TAF11L11: variants seen among roughly 807,000 people sequenced by gnomAD.
TAF11L11 encodes TATA-box-binding protein-associated factor 11-like protein 11.
chr5:17,604,943 A>G (rs1030241284), exon 1 of TAF11L11: 2 of 392,392 alleles, frequency 5.1e-6, no homozygotes, highest in African/African-American at 4.2e-5. Flanking sequence ...CATGGACCTC[A>G]CAGAAGGTGA....
At chr5:17,605,448 G>A (rs531803940), downstream of TAF11L11, 19 of 390,140 alleles carry the variant, frequency 4.9e-5, 1 homozygote, top group African/African-American at 3.5e-4. Context: ...TGACAGGACT[G>A]CATTTGCTGG....
At chr5:17,605,491 C>T, downstream of TAF11L11, 1 of 386,530 alleles carries the variant, frequency 2.6e-6, no homozygotes, top group Non-Finnish European at 4.6e-6. Context: ...CTGGATTTAC[C>T]CACGATCTTA....
chr5:17,604,251 G>A (rs1237349432), exon 1 of TAF11L11: 1 of 151,618 alleles, frequency 6.6e-6, no homozygotes, highest in African/African-American at 2.4e-5. Context: ...CCCAGACCTG[G>A]GCAACACTTG....
rs1189041846 is a variant in TAF11L11 at position 17,605,228 on chromosome 5, G to T, written c.448G>T (p.Val150Leu). 1.0e-5 allele frequency: 4 copies of T among 395,512 alleles called. 1 individual carries two copies. In the East Asian group the frequency reaches 1.1e-4, roughly 11 times the overall value. The allele number at this position is 395,512 out of a possible 1,614,324, so 24.5% of individuals were successfully genotyped here. A position where few individuals can be genotyped will look rare whatever the true frequency, so the allele number is the denominator to read the frequency against. ...CATGGCTGGAATAGCCAAGGTCTTT[G>T]TGGGAGAGGTGGTGGAAGAGGCCCT... The change falls in exon 1 of 1, where the codon GTG becomes TTG. Residue 150 changes from valine to leucine, a missense_variant. Physicochemically the swap from Val to Leu is conservative, Grantham distance 32 (BLOSUM62 1). Coordinates refer to ENST00000510838, the Ensembl canonical transcript of TAF11L11.
downstream of TAF11L11, chr5:17,605,429 A>T (rs1579616208): frequency 7.7e-6 from 3 of 391,666 alleles, no homozygotes; most frequent in Non-Finnish European, 1.4e-5. Context: ...TATCGCATTC[A>T]TCTTCCAATG....
exon 1 of TAF11L11, chr5:17,604,833 G>C (rs201755261): frequency 2.6e-6 from 1 of 389,148 alleles, no homozygotes; most frequent in East Asian, 3.6e-5. Flanking sequence ...CCCATGCCCC[G>C]AGGTCTGAAG....
At chr5:17,604,612 G>T (rs761744586) in exon 1 of TAF11L11, 13 of 317,150 alleles carry the variant, frequency 4.1e-5, no homozygotes, top group Non-Finnish European at 7.4e-5. Context: ...GTGTTTGTGT[G>T]TGGGAAGGGG....
Position 17,605,243 on chromosome 5 carries a change from G to C in TAF11L11, c.463G>C (p.Glu155Gln), listed in dbSNP as rs999075305. ...CAAGGTCTTTGTGGGAGAGGTGGTG[G>C]AAGAGGCCCTGGACGTGTGCGAAAT... is the stretch of plus-strand genomic sequence containing the variant. Residue 155 changes from glutamate to glutamine, a missense_variant, in exon 1 of 1, where the codon GAA becomes CAA. Coordinates refer to ENST00000510838, the Ensembl canonical transcript of TAF11L11. The C allele has an allele frequency of 7.6e-6, 3 of 395,400 alleles. No homozygotes were observed. The Admixed American group carries it at 1.3e-4, about 18-fold the overall frequency. 24.5% of individuals were successfully genotyped at this position (395,400 alleles called of 1,614,324 possible). A position where few individuals can be genotyped will look rare whatever the true frequency, so the allele number is the denominator to read the frequency against.
At chr5:17,604,862 A>G in exon 1 of TAF11L11, 1 of 390,436 alleles carries the variant, frequency 2.6e-6, no homozygotes, top group Non-Finnish European at 4.5e-6. Context: ...CAAGGATGGA[A>G]TCCCTGAGGA....
At chr5:17,604,720 C>T in exon 1 of TAF11L11, 1 of 373,638 alleles carries the variant, frequency 2.7e-6, no homozygotes. Context: ...ATAATCGAAC[C>T]ACCCCAGCCA....
chr5:17,605,881 C>A (rs1342556056), downstream of TAF11L11, among the ~76,000 whole-genome samples: 1 of 151,388 alleles, frequency 6.6e-6, no homozygotes, highest in African/African-American at 2.4e-5. Context: ...GTTTTCCAAA[C>A]TGCAGAAATA....
In TAF11L11 at chr5:17,604,599, T is replaced by G. The variant is rs751434397; in HGVS notation, c.-182T>G. The G allele has an allele frequency of 8.2e-4, 250 of 306,370 alleles. 10 individuals are homozygous for G. Among genetic ancestry groups the G allele is most frequent in the Non-Finnish European group, 1.4e-4 (24 of 168,188 alleles). 19.0% of individuals were successfully genotyped at this position (306,370 alleles called of 1,614,324 possible). A position where few individuals can be genotyped will look rare whatever the true frequency, so the allele number is the denominator to read the frequency against. On this transcript the variant is annotated 5_prime_UTR_variant, in exon 1 of 1. Transcript: ENST00000510838. ...ATTGTGGAAGTGAGAACATTCAGTG[T>G]GTGTGTTTGTGTGTGGGAAGGGGAG...
At chr5:17,604,734 C>T in exon 1 of TAF11L11, 1 of 377,072 alleles carries the variant, frequency 2.7e-6, no homozygotes, top group Non-Finnish European at 4.7e-6. Flanking sequence ...CCAGCCAGAA[C>T]TTCTGCCTGT....
chr5:17,604,687 T>C lies in TAF11L11; in HGVS notation c.-94T>C, dbSNP rs1270994874. On this transcript the variant is annotated 5_prime_UTR_variant, in exon 1 of 1. Transcript: ENST00000510838. ...GCAGAAACACAGAAGCTAAACTCTT[T>C]GAGAGGTTCTCATTGCAGATCCATA... The C allele has an allele frequency of 1.4e-5, 5 of 362,456 alleles. No individual in the cohort carries two copies. In the Admixed American group the frequency reaches 2.3e-4, roughly 17 times the overall value. 22.5% of individuals were successfully genotyped at this position (362,456 alleles called of 1,614,324 possible). A position where few individuals can be genotyped will look rare whatever the true frequency, so the allele number is the denominator to read the frequency against.
rs549792404 is a variant in TAF11L11, at chr5:17,605,332, C to T, written c.552C>T (p.Pro184=). Residue 184 remains proline (P), a synonymous_variant, in exon 1 of 1, where the codon CCC becomes CCT. Transcript: ENST00000510838. ...GGGAGGCTGTTCGCAGGTTAAAGCC[C>T]AAGGGCATCCTCCCCAACAGCAACT... 96 of 394,078 alleles carry T rather than the reference C, an allele frequency of 2.4e-4. 4 individuals carry two copies. The highest frequency in any genetic ancestry group is 3.4e-4 in the Non-Finnish European group (76 of 223,188). The allele number at this position is 394,078 out of a possible 1,614,324, so 24.4% of individuals were successfully genotyped here. A position where few individuals can be genotyped will look rare whatever the true frequency, so the allele number is the denominator to read the frequency against.
At chr5:17,605,261 T>A in exon 1 of TAF11L11, 1 of 395,098 alleles carries the variant, frequency 2.5e-6, no homozygotes, top group African/African-American at 2.1e-5. Context: ...CCTGGACGTG[T>A]GCGAAATGTG....
chr5:17,604,811 G>C (rs1739132283), exon 1 of TAF11L11: 1 of 387,782 alleles, frequency 2.6e-6, no homozygotes, highest in Admixed American at 4.5e-5. Flanking sequence ...AGATGCCTCT[G>C]CTGAGATGTT....
downstream of TAF11L11, chr5:17,605,383 A>T (rs1417490289): frequency 2.5e-6 from 1 of 393,460 alleles, no homozygotes; most frequent in Non-Finnish European, 4.5e-6. Context: ...TCTAGGCCTA[A>T]GGACAGAGGG....
exon 1 of TAF11L11, chr5:17,604,962 C>T (rs1327993487): frequency 7.6e-6 from 3 of 392,606 alleles, no homozygotes; most frequent in Non-Finnish European, 1.3e-5. Flanking sequence ...GACAATGAAG[C>T]GTCAGCCTCA....
Sources: allele counts gnomAD v4.1 joint callset (sites outside exome capture counted in the v4.1 genomes callset), GRCh38; gene constraint gnomAD v4.1.1; transcripts MANE v1.5; gene names NCBI Gene and HGNC (gene_info 2026-07-23, HGNC 2026-07-21).